ASB9: variants seen among roughly 807,000 people sequenced by gnomAD.
The protein encoded by ASB9 is ankyrin repeat and SOCS box protein 9.
ASB9 carries 5 observed loss-of-function variants against 16.6 expected under a neutral mutation model. The observed-to-expected ratio is 0.30, with a 90% CI of 0.16 to 0.63. The LOEUF is 0.63. ASB9 is among the 30% of genes least tolerant of loss of function. The probability of loss-of-function intolerance (pLI) is 0.82; values close to 1 mark genes in which losing one functional copy is unlikely to be tolerated. For synonymous variants in ASB9, 100 were observed against 86.4 expected, an observed-to-expected ratio of 1.16 and a Z score of -0.87; for missense variants, 216 against 229.4, an observed-to-expected ratio of 0.94 and a Z score of 0.38.
intron 1 of ASB9, among the ~76,000 whole-genome samples, chrX:15,263,253 G>C (rs190242670): frequency 9.0e-6 from 1 of 110,987 alleles, no homozygotes; most frequent in Non-Finnish European, 1.9e-5. Context: ...AAAAGAAGTC[G>C]GGTTGCTCTG....
intron 4 of ASB9, among the ~76,000 whole-genome samples, chrX:15,250,846 G>C (rs866890721): frequency 5.3e-4 from 59 of 111,352 alleles, no homozygotes; most frequent in African/African-American, 1.8e-3. Context: ...CTCAGCCTCC[G>C]AGTAGCTGGT....
intron 6 of ASB9, among the ~76,000 whole-genome samples, chrX:15,247,241 C>T (rs1229196610): frequency 8.9e-6 from 1 of 111,927 alleles, no homozygotes; most frequent in Non-Finnish European, 1.9e-5. Flanking sequence ...CCAAAATTGA[C>T]TCATGGAGGC....
chrX:15,254,692 ATTT>A, intron 3 of ASB9, 42 bp downstream of exon 3: 1 of 1,039,660 alleles, frequency 9.6e-7, no homozygotes, highest in Non-Finnish European at 1.4e-6. Context: ...ATACATAGTC[ATTT>A]TTCATTCTTG....
intron 1 of ASB9, among the ~76,000 whole-genome samples, chrX:15,265,825 C>CA (rs1438134062): frequency 9.9e-6 from 1 of 100,622 alleles, no homozygotes; most frequent in East Asian, 3.1e-4. Context: ...TTTTTTGAGA[C>CA]AGAGTTTCAC....
At position 15,248,765 on chromosome X, in the gene ASB9, G is replaced by T. The variant is rs780061381; in HGVS notation, c.739C>A (p.Gln247Lys). Reference sequence around the variant, plus strand: ...GCACCTTCTCTCTCCAAGAAGAGCTGGGCCAAGGGGCTCTCTGGAGGCACC... The same window carrying T: ...GCACCTTCTCTCTCCAAGAAGAGCTTGGCCAAGGGGCTCTCTGGAGGCACC... ...ELVPPESPLA[Q>K]LFLEREGPPS... The change falls in exon 6 of 7, where the codon CAG (glutamine) becomes AAG (lysine). Residue 247 changes from glutamine to lysine, a missense_variant. Gln to Lys is a moderately conservative substitution (Grantham distance 53). Transcript: ENST00000380488. 97 of 1,208,031 alleles carry T rather than the reference G, an allele frequency of 8.0e-5. No homozygotes were observed. Among genetic ancestry groups the T allele is most frequent in the Middle Eastern group, 4.6e-4 (2 of 4,364 alleles).
At chrX:15,260,447 A>T (rs1427574810) in intron 1 of ASB9, among the ~76,000 whole-genome samples, 1 of 112,361 alleles carries the variant, frequency 8.9e-6, no homozygotes, top group Non-Finnish European at 1.9e-5. Context: ...CATAGAAGGA[A>T]AACAAATTCT....
In ASB9 at chrX:15,260,973, T is replaced by C. The variant is rs1184186338; in HGVS notation, c.95-2028A>G. 3.6e-5 allele frequency among the ~76,000 whole-genome samples: 4 copies of C among 111,785 alleles called. No individual in the cohort carries two copies. In the East Asian group the frequency reaches 1.1e-3, roughly 31 times the overall value. ...AATGAGCCCATCTACATACCGCCCA[T>C]CCAATGCTTTCCTTCTGGGGTCACT... On this transcript the variant is annotated intron_variant, in intron 1 of 6. Transcript: ENST00000380488.
intron 2 of ASB9, among the ~76,000 whole-genome samples, chrX:15,258,607 C>T (rs1052688337): frequency 1.8e-5 from 2 of 111,990 alleles, no homozygotes; most frequent in Non-Finnish European, 3.8e-5. Context: ...ATGTAGACAA[C>T]AAACCACAGT....
chrX:15,258,249 A>G (rs752939361), intron 2 of ASB9, among the ~76,000 whole-genome samples: 1 of 112,219 alleles, frequency 8.9e-6, no homozygotes, highest in African/African-American at 3.2e-5. Context: ...TGTTTCATAA[A>G]CACATAAATA....
At chrX:15,247,867 G>A (rs142684097) in intron 6 of ASB9, among the ~76,000 whole-genome samples, 1,623 of 111,920 alleles carry the variant, frequency 0.015, 25 homozygotes, top group African/African-American at 0.049. Context: ...AAGTACCCTG[G>A]GGCAGTGAGA....
At position 15,269,634 on chromosome X, in the gene ASB9, A is replaced by G. The variant is rs1459192113; in HGVS notation, c.94+147T>C. ...ATACACATTTTTGAACAGCTGTGTA[A>G]AGAATATATACCAGTGAGCTGTGGA... On this transcript the variant is annotated intron_variant, in intron 1 of 6. Coordinates refer to ENST00000380488, the MANE Select transcript of ASB9 (RefSeq NM_001031739.3). 10 of 345,783 alleles carry G rather than the reference A, an allele frequency of 2.9e-5. No homozygotes were observed. In the East Asian group the frequency reaches 4.2e-4, roughly 14 times the overall value. The allele number at this position is 345,783 out of a possible 1,213,427, so 28.5% of individuals were successfully genotyped here.
intron 1 of ASB9, among the ~76,000 whole-genome samples, chrX:15,265,059 T>A (rs915979882): frequency 1.8e-5 from 2 of 112,422 alleles, no homozygotes; most frequent in Non-Finnish European, 3.8e-5. Flanking sequence ...TTACTGGTCC[T>A]ACTTCATCAA....
At chrX:15,248,206 C>G (rs1426617504) in intron 6 of ASB9, among the ~76,000 whole-genome samples, 1 of 111,876 alleles carries the variant, frequency 8.9e-6, no homozygotes, top group African/African-American at 3.3e-5. Flanking sequence ...TTTCATTGTT[C>G]GAGTTGGGAG....
At position 15,270,047 on chromosome X, in the gene ASB9, G is replaced by A. The variant is rs1465459077; in HGVS notation, c.-173C>T. 3.4e-5 allele frequency: 13 copies of A among 384,446 alleles called. No homozygotes were observed. In the East Asian group the frequency reaches 5.8e-4, roughly 17 times the overall value. The allele number at this position is 384,446 out of a possible 1,213,427, so 31.7% of individuals were successfully genotyped here. A position where few individuals can be genotyped will look rare whatever the true frequency, so the allele number is the denominator to read the frequency against. ...ACAGAGCAGGCAGGGTAATCTGAGT[G>A]CTACCTGTGATCAGAGAGAGGCATG... On this transcript the variant is annotated 5_prime_UTR_variant, in exon 1 of 7. Coordinates refer to ENST00000380488, the MANE Select transcript of ASB9 (RefSeq NM_001031739.3).
At chrX:15,264,124 A>G (rs1209403213) in intron 1 of ASB9, among the ~76,000 whole-genome samples, 1 of 111,722 alleles carries the variant, frequency 9.0e-6, no homozygotes, top group Non-Finnish European at 1.9e-5. Context: ...CAAAGGCTCT[A>G]GGGAAAAATC....
chrX:15,244,363 T>G lies in ASB9; in HGVS notation c.*143A>C. 1.4e-6 allele frequency: 1 copy of G among 737,595 alleles called. No homozygotes were observed. Among genetic ancestry groups the G allele is most frequent in the Non-Finnish European group, 1.9e-6 (1 of 516,024 alleles). 60.8% of individuals were successfully genotyped at this position (737,595 alleles called of 1,213,427 possible). On this transcript the variant is annotated 3_prime_UTR_variant, in exon 7 of 7. Transcript: ENST00000380488. ...ATTGAATAGAAAAAATTAGTCAAAC[T>G]CCATAAACAAGTTTATAACAAATAC...
intron 1 of ASB9, among the ~76,000 whole-genome samples, chrX:15,266,935 CAAAAAA>C (rs34454817): frequency 1.3e-5 from 1 of 78,426 alleles, no homozygotes; most frequent in African/African-American, 4.7e-5. Flanking sequence ...GACTCCATCT[CAAAAAA>C]AAAAAAAAAA....
intron 2 of ASB9, among the ~76,000 whole-genome samples, chrX:15,255,070 T>C (rs958854896): frequency 4.5e-5 from 5 of 111,603 alleles, no homozygotes; most frequent in African/African-American, 1.6e-4. Flanking sequence ...CTATTAGAGC[T>C]GACAATGCAT....
In ASB9 at chrX:15,250,532, A is replaced by G; in HGVS notation, c.466T>C (p.Tyr156His). The G allele has an allele frequency of 2.5e-6, 3 of 1,209,269 alleles. No homozygotes were observed. The highest frequency in any genetic ancestry group is 3.4e-6 in the Non-Finnish European group (3 of 893,708). ...HVECVNSLIA[Y>H]GGNIDHKISH... ...ATCTTATGGTCAATGTTGCCCCCAT[A>G]AGCTATAAGAGAGTTGACACACTCC... The change falls in exon 5 of 7, where the codon TAT (tyrosine) becomes CAT (histidine). Residue 156 changes from tyrosine (Y) to histidine (H), a missense_variant. Physicochemically the swap from Tyr to His is moderately conservative, Grantham distance 83 (BLOSUM62 2). Coordinates refer to ENST00000380488, the MANE Select transcript of ASB9 (RefSeq NM_001031739.3).
Sources: gnomAD v4.1 joint callset for allele counts (sites outside exome capture counted in the v4.1 genomes callset) on GRCh38, gnomAD v4.1.1 for gene constraint, MANE v1.5 for transcripts, NCBI Gene and HGNC (gene_info 2026-07-23, HGNC 2026-07-21) for gene names.